The following ANKRD44 variants were observed in gnomAD, a reference collection of about 807,000 sequenced individuals.
The protein encoded by ANKRD44 is ankyrin repeat domain 44, also known as serine/threonine-protein phosphatase 6 regulatory ankyrin repeat subunit B.
A neutral mutation model predicts 116.0 loss-of-function variants in ANKRD44; 35 were observed. That is an observed-to-expected ratio of 0.30 (90% confidence interval 0.23 to 0.40). The LOEUF (loss-of-function observed/expected upper bound fraction) is 0.40. ANKRD44 is among the 10% of genes least tolerant of loss of function. ANKRD44 has a pLI of 1.00. For synonymous variants in ANKRD44, 435 were observed against 461.8 expected (o/e 0.94, Z 0.74); for missense variants, 1,014 against 1,242.6 (o/e 0.82, Z 2.77).
At chr2:197,098,386 G>A (rs62279210) in intron 10 of ANKRD44, among the ~76,000 whole-genome samples, 19,175 of 152,172 alleles carry the variant, frequency 0.13, 1,423 homozygotes, top group Non-Finnish European at 0.17. Context: ...ATCCCACTGC[G>A]TCTTCCCCAG....
chr2:196,977,075 A>G (rs1408662684), intron 21 of ANKRD44, among the ~76,000 whole-genome samples: 1 of 152,238 alleles, frequency 6.6e-6, no homozygotes, highest in East Asian at 1.9e-4. Flanking sequence ...TTCCCTTAAC[A>G]ACAACATCAA....
intron 21 of ANKRD44, among the ~76,000 whole-genome samples, chr2:196,976,558 T>C (rs2075761792): frequency 6.6e-6 from 1 of 152,148 alleles, no homozygotes; most frequent in Non-Finnish European, 1.5e-5. Context: ...AAAATTTTTC[T>C]TACATGTAGA....
chr2:197,056,416 T>C (rs750702550), intron 16 of ANKRD44, among the ~76,000 whole-genome samples: 1 of 152,186 alleles, frequency 6.6e-6, no homozygotes, highest in Non-Finnish European at 1.5e-5. Flanking sequence ...TTTTTCTCCA[T>C]AATGTATTAT....
At chr2:197,146,107 T>A (rs931673895) in intron 3 of ANKRD44, among the ~76,000 whole-genome samples, 6 of 152,214 alleles carry the variant, frequency 3.9e-5, no homozygotes, top group African/African-American at 1.4e-4. Flanking sequence ...CTGGCATTTT[T>A]AAATCTGATG....
At chr2:197,289,417 TAAAG>T (rs2083498635) in intron 1 of ANKRD44, among the ~76,000 whole-genome samples, 1 of 152,200 alleles carries the variant, frequency 6.6e-6, no homozygotes, top group African/African-American at 2.4e-5. Context: ...TCTTTATGTT[TAAAG>T]AAAAGACTTG....
intron 1 of ANKRD44, among the ~76,000 whole-genome samples, chr2:197,243,095 T>A (rs937485608): frequency 4.6e-5 from 7 of 152,228 alleles, no homozygotes; most frequent in Admixed American, 3.9e-4. Flanking sequence ...GAGCAAGTGC[T>A]CTAATGATTG....
intron 19 of ANKRD44, among the ~76,000 whole-genome samples, chr2:197,008,689 A>C (rs2076242817): frequency 6.6e-6 from 1 of 152,202 alleles, no homozygotes; most frequent in Non-Finnish European, 1.5e-5. Flanking sequence ...GAGAATATAA[A>C]TAAGAGCCGG....
intron 1 of ANKRD44, among the ~76,000 whole-genome samples, chr2:197,238,393 G>A (rs765935641): frequency 4.6e-5 from 7 of 152,160 alleles, no homozygotes; most frequent in Admixed American, 3.3e-4. Flanking sequence ...AGTCTGTTCT[G>A]AACATTGCCT....
chr2:197,202,757 T>G (rs914136773), intron 1 of ANKRD44, among the ~76,000 whole-genome samples: 23 of 152,058 alleles, frequency 1.5e-4, no homozygotes, highest in African/African-American at 4.8e-4. Context: ...TAAAAAATTT[T>G]TGTAGAGAGG....
chr2:197,275,787 G>C (rs1470951748), intron 1 of ANKRD44, among the ~76,000 whole-genome samples: 1 of 152,092 alleles, frequency 6.6e-6, no homozygotes, highest in Non-Finnish European at 1.5e-5. Flanking sequence ...CAGTGCTCTA[G>C]AAAATTTCTT....
At chr2:197,069,191 C>G (rs1374764773) in intron 16 of ANKRD44, among the ~76,000 whole-genome samples, 1 of 151,720 alleles carries the variant, frequency 6.6e-6, no homozygotes, top group Non-Finnish European at 1.5e-5. Flanking sequence ...CACAAACTAT[C>G]ACAAGGAGAA....
At chr2:197,259,590 T>C (rs1192885141) in intron 1 of ANKRD44, among the ~76,000 whole-genome samples, 2 of 152,124 alleles carry the variant, frequency 1.3e-5, no homozygotes, top group Non-Finnish European at 2.9e-5. Context: ...TCAAATCTTT[T>C]CTCCTTTTTG....
rs573720352 is a variant in ANKRD44 at position 197,087,337 on chromosome 2, ATT to A, written c.1248-591_1248-590del. Among the ~76,000 whole-genome samples, 206 of 152,332 alleles carry A rather than the reference ATT, an allele frequency of 1.4e-3. 1 individual carries two copies. Among genetic ancestry groups the A allele is most frequent in the South Asian group, 4.8e-3 (23 of 4,824 alleles). Reference sequence around the variant, plus strand: ...AGTGATCTTCCATAGCTTCTTTATCATTTGCAGAAGCAATAAATCATATTTAG... The same window carrying A: ...AGTGATCTTCCATAGCTTCTTTATCATGCAGAAGCAATAAATCATATTTAG... On this transcript the variant is annotated intron_variant, in intron 12 of 27. Coordinates refer to ENST00000282272, the MANE Select transcript of ANKRD44 (RefSeq NM_001195144.2).
At chr2:197,163,305 A>G (rs1227196501) in intron 2 of ANKRD44, among the ~76,000 whole-genome samples, 1 of 152,180 alleles carries the variant, frequency 6.6e-6, no homozygotes, top group Non-Finnish European at 1.5e-5. Flanking sequence ...CCCTCCTATG[A>G]GGGCTGCCTG....
intron 16 of ANKRD44, among the ~76,000 whole-genome samples, chr2:197,049,124 G>A (rs1323059835): frequency 6.6e-6 from 1 of 152,028 alleles, no homozygotes; most frequent in Non-Finnish European, 1.5e-5. Flanking sequence ...CTCCCATTCT[G>A]TAGGTTGCCT....
intron 16 of ANKRD44, among the ~76,000 whole-genome samples, chr2:197,033,353 T>C (rs2124904246): frequency 6.6e-6 from 1 of 152,226 alleles, no homozygotes. Context: ...ATGGTGGTGG[T>C]GATAAATAAT....
chr2:197,252,457 A>C (rs2082340587), intron 1 of ANKRD44, among the ~76,000 whole-genome samples: 1 of 151,520 alleles, frequency 6.6e-6, no homozygotes, highest in Non-Finnish European at 1.5e-5. Context: ...CCCAGGCTGG[A>C]GCGCAGTAGC....
chr2:197,101,608 T>TA (rs147923645), intron 9 of ANKRD44, among the ~76,000 whole-genome samples: 34 of 150,718 alleles, frequency 2.3e-4, no homozygotes, highest in South Asian at 6.3e-4. Context: ...TTTACCACAA[T>TA]AAAAAAAAAG....
intron 16 of ANKRD44, among the ~76,000 whole-genome samples, chr2:197,063,861 CA>C (rs932446570): frequency 6.6e-6 from 1 of 152,202 alleles, no homozygotes; most frequent in African/African-American, 2.4e-5. Context: ...AGAATGGAAC[CA>C]AGTTGGAAAA....
Sources: allele counts gnomAD v4.1 joint callset (sites outside exome capture counted in the v4.1 genomes callset), GRCh38; gene constraint gnomAD v4.1.1; transcripts MANE v1.5; gene names NCBI Gene and HGNC (gene_info 2026-07-23, HGNC 2026-07-21).